The following NPC1 variants were observed in gnomAD, a reference collection of about 807,000 sequenced individuals.
The protein encoded by NPC1 is NPC intracellular cholesterol transporter 1, also known as Niemann-Pick C1 protein.
Under a neutral mutation model 140.4 loss-of-function variants are expected in NPC1, and 85 were observed. The observed-to-expected ratio is 0.61, with a 90% CI of 0.51 to 0.72. The LOEUF (loss-of-function observed/expected upper bound fraction) is 0.72, where lower values mean the gene tolerates loss of function less well. NPC1 is among the 30% of genes least tolerant of loss of function. The pLI is 0.00. For synonymous variants in NPC1, 656 were observed against 624.8 expected (o/e 1.05, Z -0.74); for missense variants, 1,504 against 1,623.8 (o/e 0.93, Z 1.27).
At chr18:23,545,286 A>G in intron 11 of NPC1, 137 bp from the exon 12 acceptor site, 1 of 685,988 alleles carries the variant, frequency 1.5e-6, no homozygotes, top group South Asian at 1.7e-5. Context: ...TCTGTCGCCC[A>G]GGCTGAAGTG....
At chr18:23,524,121 A>G (rs554160472) in intron 1 of NPC1, 1 of 1,614,060 alleles carries the variant, frequency 6.2e-7, no homozygotes, top group East Asian at 2.2e-5. Context: ...ATGTTTTCTC[A>G]ATTTGTAGGT....
At chr18:23,562,272 G>C (rs2059052963) in intron 4 of NPC1, among the ~76,000 whole-genome samples, 1 of 147,840 alleles carries the variant, frequency 6.8e-6, no homozygotes, top group South Asian at 2.1e-4. Flanking sequence ...GTGGGTGACA[G>C]AGCAAGACTC....
At chr18:23,550,859 A>G (rs925000375) in intron 10 of NPC1, among the ~76,000 whole-genome samples, 3 of 152,146 alleles carry the variant, frequency 2.0e-5, no homozygotes, top group Non-Finnish European at 4.4e-5. Context: ...GATCAAAGTC[A>G]ATTGTTTCCC....
At chr18:23,534,670 G>A (rs1394549509) in intron 22 of NPC1, 111 bp from the exon 23 acceptor site, 1 of 816,888 alleles carries the variant, frequency 1.2e-6, no homozygotes, top group African/African-American at 1.7e-5. Flanking sequence ...GGTGCTAGAG[G>A]AGGCCAAGCA....
chr18:23,567,141 T>C (rs1261215076), intron 4 of NPC1, among the ~76,000 whole-genome samples: 1 of 152,262 alleles, frequency 6.6e-6, no homozygotes, highest in East Asian at 1.9e-4. Context: ...CTGCTACAAA[T>C]ATCCACGTGC....
intron 3 of NPC1, among the ~76,000 whole-genome samples, chr18:23,570,793 C>T (rs757918793): frequency 5.9e-5 from 9 of 152,180 alleles, no homozygotes; most frequent in Non-Finnish European, 1.0e-4. Flanking sequence ...TTTCACTGCT[C>T]AGGGTCATAG....
chr18:23,543,045 G>A (rs181487561), intron 14 of NPC1, among the ~76,000 whole-genome samples: 79 of 152,194 alleles, frequency 5.2e-4, no homozygotes, highest in African/African-American at 1.7e-3. Flanking sequence ...GAGACAACAC[G>A]GGCTGGGCAC....
chr18:23,546,473 T>TTCAA (rs1435643087), intron 11 of NPC1, among the ~76,000 whole-genome samples: 2 of 152,138 alleles, frequency 1.3e-5, no homozygotes, highest in African/African-American at 2.4e-5. Flanking sequence ...CTTCAAACTA[T>TTCAA]TCAAGGTGGA....
In NPC1 at chr18:23,560,393, C is replaced by T; in HGVS notation, c.719G>A (p.Cys240Tyr). 1.2e-6 allele frequency: 2 copies of T among 1,614,240 alleles called. No homozygotes were observed. The highest frequency in any genetic ancestry group is 1.7e-6 in the Non-Finnish European group (2 of 1,180,032). Residue 240 changes from cysteine (C) to tyrosine (Y), a missense_variant, in exon 6 of 25, where the codon TGC becomes TAC. Physicochemically the swap from Cys to Tyr is radical, Grantham distance 194. Transcript: ENST00000269228. ...GCCACAGACAATAGAGCAGTCTTGGCAGCTACATGGTGCTGTGACCTCATC... is the reference window on the plus strand; with the variant it reads ...GCCACAGACAATAGAGCAGTCTTGGTAGCTACATGGTGCTGTGACCTCATC... ...SVDEVTAPCS[C>Y]QDCSIVCGPK... is the part of the protein sequence containing the mutation.
chr18:23,559,059 T>C (rs1195943826), intron 6 of NPC1, among the ~76,000 whole-genome samples: 1 of 152,256 alleles, frequency 6.6e-6, no homozygotes, highest in African/African-American at 2.4e-5. Context: ...AACTCATCAT[T>C]TTTTATGGCT....
chr18:23,563,852 C>T (rs575040243), intron 4 of NPC1, among the ~76,000 whole-genome samples: 1 of 152,138 alleles, frequency 6.6e-6, no homozygotes, highest in East Asian at 1.9e-4. Flanking sequence ...TTTGTATTTC[C>T]CTGATGACTC....
intron 3 of NPC1, chr18:23,515,750 C>G (rs1319697811): frequency 5.2e-6 from 7 of 1,344,580 alleles, no homozygotes; most frequent in Non-Finnish European, 7.3e-6. Flanking sequence ...CCAGGCTGGT[C>G]TCGAACTCCT....
chr18:23,525,156 G>T (rs548532370), downstream of NPC1, among the ~76,000 whole-genome samples: 110 of 151,712 alleles, frequency 7.3e-4, 1 homozygote, highest in Non-Finnish European at 1.3e-3. Context: ...ATGTTGGTCA[G>T]GCTGGTCTCA....
At chr18:23,529,736 A>G (rs766253476), downstream of NPC1, 27 of 1,587,026 alleles carry the variant, frequency 1.7e-5, no homozygotes, top group Non-Finnish European at 2.2e-5. Context: ...ATCTGGGCCC[A>G]AGTTAAAACA....
chr18:23,539,571 C>T (rs2058682945), intron 18 of NPC1, 101 bp from the exon 19 acceptor site: 4 of 876,612 alleles, frequency 4.6e-6, no homozygotes, highest in Non-Finnish European at 7.2e-6. Flanking sequence ...ACGTTTTATA[C>T]TGCTAACAGT....
intron 1 of NPC1, chr18:23,576,783 G>A (rs1490364355): frequency 1.8e-5 from 3 of 168,484 alleles, no homozygotes; most frequent in African/African-American, 7.2e-5. Context: ...CCTCCCAGTG[G>A]GCTCGTGGTC....
intron 1 of NPC1, among the ~76,000 whole-genome samples, chr18:23,585,471 C>G (rs1207403001): frequency 1.3e-5 from 2 of 152,162 alleles, no homozygotes. Context: ...GACGCCACAC[C>G]TATGTGAGGG....
At chr18:23,568,578 GCA>G (rs1448023866) in intron 4 of NPC1, among the ~76,000 whole-genome samples, 2 of 152,176 alleles carry the variant, frequency 1.3e-5, no homozygotes, top group African/African-American at 4.8e-5. Flanking sequence ...ATGCAAACTT[GCA>G]CATACTAAAA....
Position 23,533,383 on chromosome 18 carries a change from T to C in NPC1, c.3726A>G (p.Ile1242Met). The C allele has an allele frequency of 6.2e-7, 1 of 1,614,064 alleles. No homozygotes were observed. Among genetic ancestry groups the C allele is most frequent in the Non-Finnish European group, 8.5e-7 (1 of 1,179,968 alleles). Residue 1242 changes from isoleucine to methionine, a missense_variant, in exon 24 of 25, where the codon ATA becomes ATG. Ile to Met is a conservative substitution (Grantham distance 10). Coordinates refer to ENST00000269228, the MANE Select transcript of NPC1 (RefSeq NM_000271.5). ...TGTAACTGAGTAAGACAGGGAGAAA[T>C]ATTAATCCGTGAGTGGCTCCCAGTA... ...MVLLGATHGL[I>M]FLPVLLSYIG... is the part of the protein sequence containing the mutation.
Sources: allele counts gnomAD v4.1 joint callset (sites outside exome capture counted in the v4.1 genomes callset), GRCh38; gene constraint gnomAD v4.1.1; transcripts MANE v1.5; gene names NCBI Gene and HGNC (gene_info 2026-07-23, HGNC 2026-07-21).